The following PHF13 variants were observed in gnomAD, a reference collection of about 807,000 sequenced individuals.
PHF13 encodes PHD finger protein 13, also known as PHD zinc finger protein PHF5.
A neutral mutation model predicts 25.8 loss-of-function variants in PHF13; 1 was observed. That is an observed-to-expected ratio of 0.04 (90% CI 0.01 to 0.18). The LOEUF (loss-of-function observed/expected upper bound fraction) is 0.18. PHF13 is among the 10% of genes least tolerant of loss of function. The probability of loss-of-function intolerance (pLI) is 1.00; values close to 1 mark genes in which losing one functional copy is unlikely to be tolerated. For synonymous variants in PHF13, 195 were observed against 162.4 expected (o/e 1.20, Z -1.53); for missense variants, 306 against 403.2 (o/e 0.76, Z 2.06).
Position 6,613,772 on chromosome 1 carries a change from G to C in PHF13, c.-295G>C, listed in dbSNP as rs1276282816. 3 of 284,256 alleles carry C rather than the reference G, an allele frequency of 1.1e-5. No individual in the cohort carries two copies. The highest frequency in any genetic ancestry group is 5.0e-5 in the South Asian group (1 of 20,098). The allele number at this position is 284,256 out of a possible 1,614,324, so 17.6% of individuals were successfully genotyped here. A position where few individuals can be genotyped will look rare whatever the true frequency, so the allele number is the denominator to read the frequency against. ...CACGAGCCGAACTGGGCGTCAGGTCGGGGAGCCGGTCGGGTTCCCGCTCAC... is the reference window on the plus strand; with the variant it reads ...CACGAGCCGAACTGGGCGTCAGGTCCGGGAGCCGGTCGGGTTCCCGCTCAC... On this transcript the variant is annotated 5_prime_UTR_variant, in exon 1 of 4. Transcript: ENST00000377648.
chr1:6,616,867 C>T lies in PHF13; in HGVS notation c.141+9C>T, dbSNP rs1641269448. 2.5e-6 allele frequency: 4 copies of T among 1,608,896 alleles called. No individual in the cohort carries two copies. The highest frequency in any genetic ancestry group is 1.7e-6 in the Non-Finnish European group (2 of 1,175,374). ...TCCCTTATCCGAAGGAGGTAATCTTCTGAGTTTCTGAGACCTTTCTTGATG... is the reference window on the plus strand; with the variant it reads ...TCCCTTATCCGAAGGAGGTAATCTTTTGAGTTTCTGAGACCTTTCTTGATG... On this transcript the variant is annotated intron_variant, in intron 2 of 3. Transcript: ENST00000377648.
chr1:6,619,848 G>A lies in PHF13; in HGVS notation c.187G>A (p.Gly63Ser), dbSNP rs1317921234. Residue 63 changes from glycine to serine, a missense_variant, in exon 3 of 4, where the codon GGT (glycine) becomes AGT (serine). Around this residue, in one of 5 missense-constraint regions of PHF13, gnomAD observed 36 missense variants for 76.0 expected, o/e 0.47. Transcript: ENST00000377648. Reference protein sequence around the residue: ...SSPSPANSTAGTIDSDGWDAG... With the variant: ...SSPSPANSTASTIDSDGWDAG... The stretch of plus-strand genomic sequence containing the variant: ...CCCCAGCCCTGCTAACAGCACTGCT[G>A]GTACCATTGACAGCGACGGCTGGGA... 1.2e-6 allele frequency: 2 copies of A among 1,613,402 alleles called. No individual in the cohort carries two copies. The highest frequency in any genetic ancestry group is 1.7e-6 in the Non-Finnish European group (2 of 1,179,920).
At chr1:6,616,356 A>T (rs572896335) in intron 1 of PHF13, among the ~76,000 whole-genome samples, 1 of 152,270 alleles carries the variant, frequency 6.6e-6, no homozygotes, top group Admixed American at 6.5e-5. Flanking sequence ...CACTTAACAT[A>T]CATCAGTTCC....
Position 6,623,442 on chromosome 1 carries a change from A to G in PHF13, c.*1805A>G, listed in dbSNP as rs1641376964. On this transcript the variant is annotated 3_prime_UTR_variant, in exon 4 of 4. Transcript: ENST00000377648. Reference sequence around the variant, plus strand: ...GAATTTGCCAAAGATCTACCCTGAGATAACGCCTGTCCAGTGTCTTCACCA... The same window carrying G: ...GAATTTGCCAAAGATCTACCCTGAGGTAACGCCTGTCCAGTGTCTTCACCA... The G allele has an allele frequency of 6.5e-6, 1 of 152,706 alleles. No individual in the cohort carries two copies. Among genetic ancestry groups the G allele is most frequent in the Admixed American group, 6.5e-5 (1 of 15,288 alleles). The allele number at this position is 152,706 out of a possible 1,614,324, so 9.5% of individuals were successfully genotyped here.
Position 6,614,111 on chromosome 1 carries a change from T to G in PHF13, c.39+6T>G. 6.3e-7 allele frequency: 1 copy of G among 1,591,820 alleles called. No homozygotes were observed. The highest frequency in any genetic ancestry group is 8.5e-7 in the Non-Finnish European group (1 of 1,171,672). On this transcript the variant is annotated splice_donor_region_variant and intron_variant, in intron 1 of 3. Transcript: ENST00000377648. ...CCGCCGCCTTCCACCCGGAGGTGAG[T>G]GAAGCTGTGCGTCCGAATCGCCCCC...
At position 6,621,004 on chromosome 1, in the gene PHF13, C is replaced by G. The variant is rs913507435; in HGVS notation, c.677-407C>G. Among the ~76,000 whole-genome samples, 2 of 150,550 alleles carry G rather than the reference C, an allele frequency of 1.3e-5. No individual in the cohort carries two copies. Among genetic ancestry groups the G allele is most frequent in the South Asian group, 2.1e-4 (1 of 4,716 alleles). ...CCAAGATCGCGCCATTGCACTCCAG[C>G]CTGGGCGACAGCAAAACTCCGTCTC... On this transcript the variant is annotated intron_variant, in intron 3 of 3. Coordinates refer to ENST00000377648, the MANE Select transcript of PHF13 (RefSeq NM_153812.3). The surrounding 1 kb of genome is among the most constrained non-coding windows in gnomAD (Gnocchi z 4.8).
rs1225900916 is a variant in PHF13, at chr1:6,620,073, G to T, written c.412G>T (p.Gly138Cys). 1 of 1,613,438 alleles carries T rather than the reference G, an allele frequency of 6.2e-7. No individual in the cohort carries two copies. The highest frequency in any genetic ancestry group is 8.5e-7 in the Non-Finnish European group (1 of 1,179,988). The change falls in exon 3 of 4, where the codon GGC becomes TGC. Residue 138 changes from glycine (G) to cysteine (C), a missense_variant. Around this residue, in one of 5 missense-constraint regions of PHF13, gnomAD observed 186 missense variants for 164.0 expected, o/e 1.13. Coordinates refer to ENST00000377648, the MANE Select transcript of PHF13 (RefSeq NM_153812.3). ...DAPGKEGYRG[G>C]LLKLEAADPY... ...GCCTGGGAAAGAGGGGTACAGGGGG[G>T]GCTTGCTGAAGCTGGAAGCCGCTGA...
chr1:6,620,315 T>C lies in PHF13; in HGVS notation c.654T>C (p.Asp218=), dbSNP rs1641320147. 5 of 1,613,254 alleles carry C rather than the reference T, an allele frequency of 3.1e-6. No homozygotes were observed. The highest frequency in any genetic ancestry group is 4.2e-6 in the Non-Finnish European group (5 of 1,179,756). Residue 218 remains aspartate, a synonymous_variant, in exon 3 of 4, where the codon GAT becomes GAC. Coordinates refer to ENST00000377648, the MANE Select transcript of PHF13 (RefSeq NM_153812.3). The part of the protein sequence containing the change: ...VFRDEDSTGN[D]EDIMVDSDDD... ...GAGATGAGGACAGCACTGGCAATGA[T>C]GAGGACATCATGGTGGACTCAGGTG...
chr1:6,615,839 G>C (rs1641253473), intron 1 of PHF13, among the ~76,000 whole-genome samples: 1 of 152,088 alleles, frequency 6.6e-6, no homozygotes, highest in African/African-American at 2.4e-5. Context: ...ACTAAGCTTC[G>C]CAGTAAGGTT....
Position 6,621,259 on chromosome 1 carries a change from G to GC in PHF13, c.677-148dup, listed in dbSNP as rs1641335054. On this transcript the variant is annotated intron_variant, in intron 3 of 3. Coordinates refer to ENST00000377648, the MANE Select transcript of PHF13 (RefSeq NM_153812.3). The surrounding 1 kb of genome is among the most constrained non-coding windows in gnomAD (Gnocchi z 4.8). ...ATACCTGGTTCCCACACATTTTGGAGCCCCTCGTGCCTTTTCAGAGAGAAG... is the reference window on the plus strand; with the variant it reads ...ATACCTGGTTCCCACACATTTTGGAGCCCCCTCGTGCCTTTTCAGAGAGAAG... 1 of 753,392 alleles carries GC rather than the reference G, an allele frequency of 1.3e-6. No individual in the cohort carries two copies. The highest frequency in any genetic ancestry group is 1.8e-5 in the South Asian group (1 of 56,420). The allele number at this position is 753,392 out of a possible 1,614,324, so 46.7% of individuals were successfully genotyped here. A position where few individuals can be genotyped will look rare whatever the true frequency, so the allele number is the denominator to read the frequency against.
intron 2 of PHF13, among the ~76,000 whole-genome samples, chr1:6,619,053 A>G (rs1355194291): frequency 6.6e-6 from 1 of 152,258 alleles, no homozygotes; most frequent in Non-Finnish European, 1.5e-5. Flanking sequence ...TTGGGGCAGT[A>G]ATTACCTACT....
chr1:6,616,646 G>A lies in PHF13; in HGVS notation c.40-111G>A. The A allele has an allele frequency of 3.5e-6, 3 of 847,950 alleles. No individual in the cohort carries two copies. The South Asian group carries it at 4.2e-5, about 12-fold the overall frequency. 52.5% of individuals were successfully genotyped at this position (847,950 alleles called of 1,614,324 possible). A position where few individuals can be genotyped will look rare whatever the true frequency, so the allele number is the denominator to read the frequency against. ...GTTTGTGGACTGTGTAAATCTAACG[G>A]TATTTTTTGAGTGATTGACTACAAA... is the stretch of plus-strand genomic sequence containing the variant. On this transcript the variant is annotated intron_variant, in intron 1 of 3. Coordinates refer to ENST00000377648, the MANE Select transcript of PHF13 (RefSeq NM_153812.3).
chr1:6,619,751 T>C, intron 2 of PHF13, 52 bp from the exon 3 acceptor site: 1 of 1,538,498 alleles, frequency 6.5e-7, no homozygotes, highest in South Asian at 1.3e-5. Context: ...TGCTCTGCTC[T>C]GGGCTGGATC....
chr1:6,618,432 C>T (rs889037965), intron 2 of PHF13, among the ~76,000 whole-genome samples: 21 of 152,224 alleles, frequency 1.4e-4, no homozygotes, highest in African/African-American at 3.4e-4. Flanking sequence ...TGCGTTTGGC[C>T]GTAATTTTAT....
rs957216594 is a variant in PHF13 at position 6,623,725 on chromosome 1, TTG to T, written c.*2092_*2093del. 4.6e-5 allele frequency: 7 copies of T among 152,612 alleles called. No homozygotes were observed. The highest frequency in any genetic ancestry group is 8.8e-5 in the Non-Finnish European group (6 of 68,034). The allele number at this position is 152,612 out of a possible 1,614,324, so 9.5% of individuals were successfully genotyped here. A position where few individuals can be genotyped will look rare whatever the true frequency, so the allele number is the denominator to read the frequency against. On this transcript the variant is annotated 3_prime_UTR_variant, in exon 4 of 4. Coordinates refer to ENST00000377648, the MANE Select transcript of PHF13 (RefSeq NM_153812.3). ...TCTAAGAAGTCGGACACCTTGGTTT[TTG>T]TGTTAGATTGAGCTGGGCAGCTGCA...
chr1:6,619,178 G>C (rs2148710203), intron 2 of PHF13, among the ~76,000 whole-genome samples: 1 of 152,306 alleles, frequency 6.6e-6, no homozygotes, highest in South Asian at 2.1e-4. Context: ...TGGAAGGAGA[G>C]GTTTTACAAT....
Position 6,619,892 on chromosome 1 carries a change from C to T in PHF13, c.231C>T (p.Ile77=), listed in dbSNP as rs765357449. The T allele has an allele frequency of 5.5e-5, 89 of 1,613,782 alleles. No homozygotes were observed. The highest frequency in any genetic ancestry group is 7.1e-5 in the Non-Finnish European group (84 of 1,180,036). The change falls in exon 3 of 4, where the codon ATC becomes ATT. Residue 77 remains isoleucine (I), a synonymous_variant. Coordinates refer to ENST00000377648, the MANE Select transcript of PHF13 (RefSeq NM_153812.3). The part of the protein sequence containing the change: ...SDGWDAGFSD[I]ASSVPLPVSD... ...GCTGGGACGCGGGTTTCTCAGACAT[C>T]GCGTCCTCAGTGCCCTTGCCAGTCT...
Position 6,620,120 on chromosome 1 carries a change from G to C in PHF13, c.459G>C (p.Thr153=), listed in dbSNP as rs760636572. Residue 153 remains threonine (T), a synonymous_variant, in exon 3 of 4, where the codon ACG becomes ACC. Coordinates refer to ENST00000377648, the MANE Select transcript of PHF13 (RefSeq NM_153812.3). ...CTGACCCCTACGTGGAGACCCCCAC[G>C]AGTCCCACCTTGCAGGATATCCCCC... The part of the protein sequence containing the change: ...EAADPYVETP[T]SPTLQDIPQA... The C allele has an allele frequency of 3.1e-6, 5 of 1,613,640 alleles. No homozygotes were observed. Among genetic ancestry groups the C allele is most frequent in the South Asian group, 1.1e-5 (1 of 91,084 alleles).
chr1:6,616,935 TGA>T, intron 2 of PHF13, 77 bp downstream of exon 2: 1 of 1,287,970 alleles, frequency 7.8e-7, no homozygotes, highest in South Asian at 1.2e-5. Flanking sequence ...CGTGGGCTTC[TGA>T]CTGGTCAGAG....
Sources: allele counts gnomAD v4.1 joint callset (sites outside exome capture counted in the v4.1 genomes callset), GRCh38; gene constraint gnomAD v4.1.1; regional missense constraint gnomAD v4.1.1; non-coding constraint Gnocchi (gnomAD v3.1); transcripts MANE v1.5; gene names NCBI Gene and HGNC (gene_info 2026-07-23, HGNC 2026-07-21).